Variants in ZSCAN25 observed in about 807,000 individuals in gnomAD.
The protein encoded by ZSCAN25 is zinc finger and SCAN domain-containing protein 25.
ZSCAN25 carries 27 observed loss-of-function variants against 38.7 expected under a neutral mutation model. The ratio of observed to expected loss-of-function variants is 0.70; its 90% CI spans 0.51 to 0.96. The LOEUF (loss-of-function observed/expected upper bound fraction) is 0.96, where lower values mean the gene tolerates loss of function less well. Ranked by LOEUF, ZSCAN25 falls within the 40% of genes least tolerant of loss-of-function variation. The probability of loss-of-function intolerance (pLI) is 0.00; values close to 1 mark genes in which losing one functional copy is unlikely to be tolerated. For missense variants in ZSCAN25, 637 were observed against 705.9 expected, an observed-to-expected ratio of 0.90 and a Z score of 1.11; for synonymous variants, 273 against 277.7, an observed-to-expected ratio of 0.98 and a Z score of 0.17.
the ZSCAN25 span, chr7:99,685,328 A>AT: frequency 6.6e-7 from 1 of 1,509,748 alleles, no homozygotes. Context: ...ATTGCTGACT[A>AT]TGCACATAGT....
At chr7:99,734,613 TTCTTTTTTTTC>T in the ZSCAN25 span, among the ~76,000 whole-genome samples, 1 of 152,000 alleles carries the variant, frequency 6.6e-6, no homozygotes, top group African/African-American at 2.4e-5. Context: ...ATCTTTTTTT[TTCTTTTTTTTC>T]TCTTTTTTTT....
At chr7:99,706,584 T>A in the ZSCAN25 span, among the ~76,000 whole-genome samples, 1 of 152,268 alleles carries the variant, frequency 6.6e-6, no homozygotes, top group Non-Finnish European at 1.5e-5. Flanking sequence ...TATGAATCAA[T>A]GACATCTGTT....
rs1486307305 is a variant in ZSCAN25, at chr7:99,631,799, AG to A, written c.*1781del. On this transcript the variant is annotated 3_prime_UTR_variant, in exon 8 of 8. Transcript: ENST00000394152. ...TCCTGGCTCATTAGCTGTGCCCACG[AG>A]GCTGCACTGACTGGGTCGTAAATGT... 1.0e-6 allele frequency: 1 copy of A among 985,312 alleles called. No individual in the cohort carries two copies. The highest frequency in any genetic ancestry group is 6.2e-5 in the Admixed American group (1 of 16,258). 61.0% of individuals were successfully genotyped at this position (985,312 alleles called of 1,614,324 possible).
the ZSCAN25 span, among the ~76,000 whole-genome samples, chr7:99,697,037 G>A: frequency 6.6e-6 from 1 of 152,196 alleles, no homozygotes; most frequent in Non-Finnish European, 1.5e-5. Flanking sequence ...TGTAGGGCCT[G>A]TAGAACCATG....
the ZSCAN25 span, chr7:99,671,176 G>C: frequency 6.6e-6 from 1 of 152,394 alleles, no homozygotes; most frequent in African/African-American, 2.5e-5. Flanking sequence ...TTTTATGTGT[G>C]GCCCACGACA....
chr7:99,630,966 C>A lies in ZSCAN25; in HGVS notation c.*946C>A. On this transcript the variant is annotated 3_prime_UTR_variant, in exon 8 of 8. Transcript: ENST00000394152. ...TATAGTTCATAAAATTAATTTCACC[C>A]CATTCTCATTGGACCCATTTCCCAA... The A allele has an allele frequency of 1.1e-6, 1 of 948,700 alleles. No individual in the cohort carries two copies. The highest frequency in any genetic ancestry group is 1.3e-6 in the Non-Finnish European group (1 of 796,552). 58.8% of individuals were successfully genotyped at this position (948,700 alleles called of 1,614,324 possible). A position where few individuals can be genotyped will look rare whatever the true frequency, so the allele number is the denominator to read the frequency against.
chr7:99,630,990 A>G lies in ZSCAN25; in HGVS notation c.*970A>G, dbSNP rs987389398. The stretch of plus-strand genomic sequence containing the variant: ...CCCATTCTCATTGGACCCATTTCCC[A>G]AGTATTTATTGAGGCCCTGTAACAA... On this transcript the variant is annotated 3_prime_UTR_variant, in exon 8 of 8. Transcript: ENST00000394152. 4.2e-6 allele frequency: 4 copies of G among 945,626 alleles called. No individual in the cohort carries two copies. Among genetic ancestry groups the G allele is most frequent in the Admixed American group, 6.2e-5 (1 of 16,204 alleles). 58.6% of individuals were successfully genotyped at this position (945,626 alleles called of 1,614,324 possible). A position where few individuals can be genotyped will look rare whatever the true frequency, so the allele number is the denominator to read the frequency against.
Position 99,629,372 on chromosome 7 carries a change from C to T in ZSCAN25, c.987C>T (p.His329=), listed in dbSNP as rs145075977. 284 of 1,614,164 alleles carry T rather than the reference C, an allele frequency of 1.8e-4. 1 individual carries two copies. In the East Asian group the frequency reaches 5.5e-3, roughly 31 times the overall value. The change falls in exon 8 of 8, where the codon CAC becomes CAT. Residue 329 remains histidine (H), a synonymous_variant. Coordinates refer to ENST00000394152, the MANE Select transcript of ZSCAN25 (RefSeq NM_145115.3). The surrounding 1 kb of genome is among the most constrained non-coding windows in gnomAD (Gnocchi z 5.6). ...GSAPGLPPPQ[H]GAIPLPDEVK... Reference sequence around the variant, plus strand: ...CGCCTGGGCTTCCTCCTCCCCAGCACGGTGCCATCCCCCTGCCTGACGAAG... The same window carrying T: ...CGCCTGGGCTTCCTCCTCCCCAGCATGGTGCCATCCCCCTGCCTGACGAAG...
At chr7:99,686,847 G>T in the ZSCAN25 span, among the ~76,000 whole-genome samples, 4 of 152,130 alleles carry the variant, frequency 2.6e-5, no homozygotes, top group Non-Finnish European at 5.9e-5. Flanking sequence ...GCATTTGCAG[G>T]TCACCAATAT....
chr7:99,633,392 A>G (rs1298316735), downstream of ZSCAN25, among the ~76,000 whole-genome samples: 1 of 152,194 alleles, frequency 6.6e-6, no homozygotes, highest in East Asian at 1.9e-4. Context: ...GGAATATTGT[A>G]AGAAATTTCC....
chr7:99,703,318 C>T, the ZSCAN25 span, among the ~76,000 whole-genome samples: 2 of 152,202 alleles, frequency 1.3e-5, no homozygotes, highest in Admixed American at 6.5e-5. Flanking sequence ...AACCCTGGCC[C>T]TGGAATCAGG....
the ZSCAN25 span, among the ~76,000 whole-genome samples, chr7:99,732,215 C>G: frequency 6.6e-6 from 1 of 152,152 alleles, no homozygotes; most frequent in Non-Finnish European, 1.5e-5. Flanking sequence ...CTCCTCCCCA[C>G]CCTCTCTTGC....
At chr7:99,723,072 A>T in the ZSCAN25 span, among the ~76,000 whole-genome samples, 7 of 152,292 alleles carry the variant, frequency 4.6e-5, no homozygotes, top group East Asian at 1.3e-3. Context: ...TGAAGTTTTA[A>T]CTATGGAAAA....
the ZSCAN25 span, among the ~76,000 whole-genome samples, chr7:99,670,409 G>A: frequency 6.6e-6 from 1 of 152,170 alleles, no homozygotes; most frequent in Non-Finnish European, 1.5e-5. Flanking sequence ...TCGACATGTT[G>A]GCTAAACATG....
chr7:99,732,570 C>T, the ZSCAN25 span, among the ~76,000 whole-genome samples: 1 of 152,066 alleles, frequency 6.6e-6, no homozygotes, highest in Non-Finnish European at 1.5e-5. Context: ...CTTTGATGGG[C>T]CATGTATGGA....
the ZSCAN25 span, among the ~76,000 whole-genome samples, chr7:99,737,693 A>T: frequency 6.6e-6 from 1 of 152,182 alleles, no homozygotes. Context: ...GATGATTTTT[A>T]TTCTAAGATG....
chr7:99,669,748 T>C, the ZSCAN25 span, among the ~76,000 whole-genome samples: 2 of 152,218 alleles, frequency 1.3e-5, no homozygotes, highest in African/African-American at 4.8e-5. Flanking sequence ...GTCACCATGC[T>C]ATTAAAAGAC....
the ZSCAN25 span, chr7:99,658,761 C>G: frequency 1.3e-5 from 2 of 152,348 alleles, no homozygotes; most frequent in East Asian, 3.9e-4. Flanking sequence ...TCCCATATTT[C>G]TTGGAGGCTT....
At chr7:99,693,784 T>A in the ZSCAN25 span, among the ~76,000 whole-genome samples, 4 of 152,238 alleles carry the variant, frequency 2.6e-5, no homozygotes, top group Non-Finnish European at 5.9e-5. Context: ...AAGTCACCTA[T>A]CTTCTGCCTC....
Sources: gnomAD v4.1 joint callset for allele counts (sites outside exome capture counted in the v4.1 genomes callset) on GRCh38, gnomAD v4.1.1 for gene constraint, Gnocchi (gnomAD v3.1) non-coding constraint, MANE v1.5 for transcripts, NCBI Gene and HGNC (gene_info 2026-07-23, HGNC 2026-07-21) for gene names.